Variants in DOCK7 observed in about 807,000 individuals in gnomAD.
The protein encoded by DOCK7 is dedicator of cytokinesis 7.
DOCK7 carries 138 observed loss-of-function variants against 271.0 expected under a neutral mutation model. That is an observed-to-expected ratio of 0.51 (90% CI 0.44 to 0.59). DOCK7 has a LOEUF of 0.59. Ranked by LOEUF, DOCK7 falls within the 20% of genes least tolerant of loss-of-function variation. The pLI is 0.00. For synonymous variants in DOCK7, 823 were observed against 876.1 expected, an observed-to-expected ratio of 0.94 and a Z score of 1.07; for missense variants, 2,066 against 2,592.4, an observed-to-expected ratio of 0.80 and a Z score of 4.41.
chr1:62,593,308 G>A (rs949926440), intron 14 of DOCK7, among the ~76,000 whole-genome samples: 2 of 152,112 alleles, frequency 1.3e-5, no homozygotes, highest in African/African-American at 4.8e-5. Flanking sequence ...GGTGGCTCAC[G>A]CTTGTAATCC....
intron 27 of DOCK7, among the ~76,000 whole-genome samples, chr1:62,539,330 G>A (rs1645451062): frequency 6.6e-6 from 1 of 152,122 alleles, no homozygotes; most frequent in Non-Finnish European, 1.5e-5. Context: ...AGGAAATACT[G>A]GCTGTACTGA....
At chr1:62,584,356 T>C (rs1287473789) in intron 15 of DOCK7, 2 of 986,340 alleles carry the variant, frequency 2.0e-6, no homozygotes, top group East Asian at 1.1e-4. Flanking sequence ...AATTTTATCA[T>C]GTCAATATTA....
At chr1:62,526,105 A>AT (rs2149365683) in intron 31 of DOCK7, among the ~76,000 whole-genome samples, 1 of 152,098 alleles carries the variant, frequency 6.6e-6, no homozygotes, top group Non-Finnish European at 1.5e-5. Flanking sequence ...ACGCCCGGCT[A>AT]TTTTTTGTGG....
intron 14 of DOCK7, among the ~76,000 whole-genome samples, chr1:62,591,124 TC>T (rs1161681300): frequency 6.6e-6 from 1 of 151,854 alleles, no homozygotes; most frequent in Non-Finnish European, 1.5e-5. Context: ...GATAAAGAAA[TC>T]AAGTAAATGT....
At chr1:62,579,069 A>G (rs977663889) in intron 16 of DOCK7, 103 bp from the exon 17 acceptor site, 5 of 1,143,326 alleles carry the variant, frequency 4.4e-6, no homozygotes, top group Non-Finnish European at 4.6e-6. Context: ...TTCATGTTTA[A>G]TTTTTCCTCT....
At chr1:62,498,080 A>T (rs917296772) in intron 37 of DOCK7, among the ~76,000 whole-genome samples, 5 of 149,142 alleles carry the variant, frequency 3.4e-5, no homozygotes, top group Non-Finnish European at 7.4e-5. Context: ...TGTCTACGAA[A>T]TTTTTTTTTT....
chr1:62,526,022 C>T (rs1644996209), intron 31 of DOCK7, among the ~76,000 whole-genome samples: 1 of 152,162 alleles, frequency 6.6e-6, no homozygotes, highest in South Asian at 2.1e-4. Flanking sequence ...CTGCAACCTC[C>T]ACCTCCCAGG....
intron 37 of DOCK7, among the ~76,000 whole-genome samples, chr1:62,501,896 C>A (rs1054982092): frequency 1.9e-4 from 29 of 152,026 alleles, no homozygotes; most frequent in African/African-American, 6.0e-4. Context: ...TTAATATAAT[C>A]TTTTAGCTTA....
rs773479192 is a variant in DOCK7, at chr1:62,559,217, G to C, written c.2203C>G (p.Pro735Ala). The change falls in exon 20 of 50, where the codon CCT becomes GCT. Residue 735 changes from proline to alanine, a missense_variant. Physicochemically the swap from Pro to Ala is conservative, Grantham distance 27. Transcript: ENST00000635253. ...AGAGCAAAAAATTTGTCAAGATAAGGATCCTAAAACAAAGAATAAACAAAA... is the reference window on the plus strand; with the variant it reads ...AGAGCAAAAAATTTGTCAAGATAAGCATCCTAAAACAAAGAATAAACAAAA... Reference protein sequence around the residue: ...VAVSSIHTQDPYLDKFFALVN... With the variant: ...VAVSSIHTQDAYLDKFFALVN... 19 of 1,610,646 alleles carry C rather than the reference G, an allele frequency of 1.2e-5. No homozygotes were observed. Among genetic ancestry groups the C allele is most frequent in the Non-Finnish European group, 1.6e-5 (19 of 1,177,810 alleles).
At chr1:62,587,061 G>A (rs2149500076) in intron 14 of DOCK7, among the ~76,000 whole-genome samples, 1 of 151,956 alleles carries the variant, frequency 6.6e-6, no homozygotes, top group Non-Finnish European at 1.5e-5. Flanking sequence ...TATAAATGTG[G>A]CTTTTGTATA....
intron 33 of DOCK7, among the ~76,000 whole-genome samples, chr1:62,511,970 C>A (rs1314994077): frequency 6.6e-6 from 1 of 151,944 alleles, no homozygotes; most frequent in African/African-American, 2.4e-5. Flanking sequence ...ATAAGAATTA[C>A]AAGACAAGTA....
intron 29 of DOCK7, among the ~76,000 whole-genome samples, chr1:62,534,075 T>C (rs1006122576): frequency 6.6e-6 from 1 of 152,030 alleles, no homozygotes; most frequent in East Asian, 1.9e-4. Context: ...CTTGGCTTAC[T>C]GCAACCTCTG....
chr1:62,622,261 G>A (rs146405469), intron 12 of DOCK7, among the ~76,000 whole-genome samples: 2 of 152,256 alleles, frequency 1.3e-5, no homozygotes, highest in Non-Finnish European at 2.9e-5. Flanking sequence ...ACTTGTGAAT[G>A]AGCCTAGTTC....
At position 62,664,146 on chromosome 1, in the gene DOCK7, A is replaced by T. The variant is rs1571944726; in HGVS notation, c.39-1016T>A. 2.0e-5 allele frequency among the ~76,000 whole-genome samples: 3 copies of T among 152,324 alleles called. No individual in the cohort carries two copies. In the East Asian group the frequency reaches 5.8e-4, roughly 29 times the overall value. On this transcript the variant is annotated intron_variant, in intron 1 of 49. Coordinates refer to ENST00000635253, the MANE Select transcript of DOCK7 (RefSeq NM_001367561.1). ...CAAAACTATGGAAGACAGTAAAAAG[A>T]CCAGTGGTTGTCAGGGGCTAGAGTG...
intron 21 of DOCK7, 122 bp from the exon 22 acceptor site, chr1:62,553,023 A>C: frequency 1.5e-6 from 1 of 677,176 alleles, no homozygotes; most frequent in Non-Finnish European, 2.1e-6. Context: ...TTTCTAAATA[A>C]AAAATATACT....
chr1:62,655,211 T>C (rs989228352), intron 2 of DOCK7, among the ~76,000 whole-genome samples: 2 of 152,056 alleles, frequency 1.3e-5, no homozygotes, highest in Non-Finnish European at 2.9e-5. Flanking sequence ...ACCATACTTC[T>C]TATCTAGTTC....
intron 14 of DOCK7, among the ~76,000 whole-genome samples, chr1:62,587,299 T>TAAAAAAAAAAAAAAAAAAAAA: frequency 7.2e-5 from 3 of 41,818 alleles, no homozygotes; most frequent in East Asian, 7.2e-4. Flanking sequence ...ACCAAATAGC[T>TAAAAAAAAAAAAAAAAAAAAA]AAAAAAAAAA....
intron 1 of DOCK7, among the ~76,000 whole-genome samples, chr1:62,663,938 A>G (rs1010300160): frequency 6.6e-6 from 1 of 152,208 alleles, no homozygotes. Context: ...GGAAGCATCA[A>G]GCTATCCTTC....
At chr1:62,615,790 GTAAT>G (rs1652364669) in intron 14 of DOCK7, among the ~76,000 whole-genome samples, 1 of 151,596 alleles carries the variant, frequency 6.6e-6, no homozygotes, top group South Asian at 2.1e-4. Context: ...TATTAACTCT[GTAAT>G]TAATAGAATG....
Sources: allele counts gnomAD v4.1 joint callset (sites outside exome capture counted in the v4.1 genomes callset), GRCh38; gene constraint gnomAD v4.1.1; transcripts MANE v1.5; gene names NCBI Gene and HGNC (gene_info 2026-07-23, HGNC 2026-07-21).